VPS13A: variants seen among roughly 807,000 people sequenced by gnomAD.
VPS13A encodes the protein vacuolar protein sorting 13 homolog A.
VPS13A carries 264 observed loss-of-function variants against 390.9 expected under a neutral mutation model. The ratio of observed to expected loss-of-function variants is 0.68; its 90% CI spans 0.61 to 0.75. The LOEUF (loss-of-function observed/expected upper bound fraction) is 0.75. Among genes scored for constraint, VPS13A ranks in the 30% least tolerant of loss-of-function variants. The pLI, the probability that VPS13A is intolerant of heterozygous loss-of-function variation, is 0.00. For missense variants in VPS13A, 3,409 were observed against 3,733.9 expected (o/e 0.91, Z 2.27); for synonymous variants, 1,231 against 1,227.1 (o/e 1.00, Z -0.07).
At chr9:77,227,578 AGTGGT>A in intron 16 of VPS13A, 93 bp downstream of exon 16, 4 of 985,304 alleles carry the variant, frequency 4.1e-6, no homozygotes, top group Non-Finnish European at 6.2e-6. Flanking sequence ...GCTGGACTGC[AGTGGT>A]GTGATCTCTG....
At chr9:77,314,727 T>C (rs1485611325) in intron 37 of VPS13A, 63 bp downstream of exon 37, 1 of 1,527,010 alleles carries the variant, frequency 6.5e-7, no homozygotes, top group African/African-American at 1.4e-5. Context: ...TTTACAGAAT[T>C]CATCTCCAGA....
At chr9:77,224,549 G>A (rs1369425445) in intron 13 of VPS13A, among the ~76,000 whole-genome samples, 1 of 152,144 alleles carries the variant, frequency 6.6e-6, no homozygotes, top group Non-Finnish European at 1.5e-5. Flanking sequence ...TGCAGATGTG[G>A]TGGAAATACG....
At chr9:77,314,367 G>A in intron 36 of VPS13A, 128 bp from the exon 37 acceptor site, 1 of 1,038,454 alleles carries the variant, frequency 9.6e-7, no homozygotes, top group Non-Finnish European at 1.4e-6. Context: ...CCTTTCATTA[G>A]AGCCCTTCGG....
intron 19 of VPS13A, among the ~76,000 whole-genome samples, chr9:77,244,998 A>G (rs1043819639): frequency 1.2e-4 from 19 of 152,204 alleles, no homozygotes; most frequent in African/African-American, 4.6e-4. Context: ...GAAGTTGTAG[A>G]AAGCTGAATT....
At chr9:77,215,100 A>C (rs969717375) in intron 10 of VPS13A, among the ~76,000 whole-genome samples, 13 of 152,208 alleles carry the variant, frequency 8.5e-5, no homozygotes. Flanking sequence ...AGATCACGCC[A>C]CTGCACTCCA....
chr9:77,395,391 T>C (rs1402994568), intron 68 of VPS13A, among the ~76,000 whole-genome samples: 1 of 152,172 alleles, frequency 6.6e-6, no homozygotes, highest in African/African-American at 2.4e-5. Context: ...CTGTAGTTTA[T>C]GGCACCTCAA....
chr9:77,269,670 A>T (rs1329061247), intron 23 of VPS13A, among the ~76,000 whole-genome samples: 1 of 152,220 alleles, frequency 6.6e-6, no homozygotes, highest in Non-Finnish European at 1.5e-5. Flanking sequence ...CCATTTGCTT[A>T]GGTCTTTTTA....
chr9:77,237,064 AT>A (rs1220907535), intron 17 of VPS13A, among the ~76,000 whole-genome samples: 1 of 151,532 alleles, frequency 6.6e-6, no homozygotes, highest in Non-Finnish European at 1.5e-5. Context: ...TAATTTTTGT[AT>A]TTTTAGTAAA....
At chr9:77,221,969 A>G (rs1823246109) in intron 13 of VPS13A, among the ~76,000 whole-genome samples, 1 of 152,132 alleles carries the variant, frequency 6.6e-6, no homozygotes, top group Non-Finnish European at 1.5e-5. Flanking sequence ...ACATTTAATT[A>G]TCTATCTTGA....
At chr9:77,368,029 A>T in intron 61 of VPS13A, 26 bp from the exon 62 acceptor site, 1 of 1,591,166 alleles carries the variant, frequency 6.3e-7, no homozygotes, top group South Asian at 1.1e-5. Flanking sequence ...ACATGTACAG[A>T]CAATATATTT....
intron 45 of VPS13A, among the ~76,000 whole-genome samples, chr9:77,324,419 C>G (rs1166144453): frequency 6.6e-6 from 1 of 152,084 alleles, no homozygotes; most frequent in Non-Finnish European, 1.5e-5. Flanking sequence ...TGTAAACGTT[C>G]CCTTCTATTC....
Position 77,414,519 on chromosome 9 carries a change from C to T in VPS13A, c.9475-1437C>T, listed in dbSNP as rs1176714849. Among the ~76,000 whole-genome samples the T allele has an allele frequency of 4.0e-5, 6 of 151,438 alleles. No individual in the cohort carries two copies. The East Asian group carries it at 9.8e-4, about 25-fold the overall frequency. ...AAACCAAACACTGCATGTTCTCACTCATAGGTGGGAATTGAACAATGAGAA... is the reference window on the plus strand; with the variant it reads ...AAACCAAACACTGCATGTTCTCACTTATAGGTGGGAATTGAACAATGAGAA... On this transcript the variant is annotated intron_variant, in intron 71 of 71. Coordinates refer to ENST00000360280, the MANE Select transcript of VPS13A (RefSeq NM_033305.3).
At chr9:77,288,920 T>G (rs1181540371) in intron 31 of VPS13A, among the ~76,000 whole-genome samples, 1 of 152,206 alleles carries the variant, frequency 6.6e-6, no homozygotes, top group Non-Finnish European at 1.5e-5. Context: ...TACATATAAA[T>G]GTGTATGAAT....
intron 34 of VPS13A, among the ~76,000 whole-genome samples, chr9:77,306,217 A>G (rs916010302): frequency 5.3e-5 from 8 of 152,234 alleles, no homozygotes; most frequent in Non-Finnish European, 1.5e-5. Context: ...TTTGAAATGC[A>G]GTCAAAGAAA....
intron 22 of VPS13A, among the ~76,000 whole-genome samples, chr9:77,255,924 G>T (rs147802516): frequency 6.6e-6 from 1 of 151,534 alleles, no homozygotes; most frequent in South Asian, 2.1e-4. Context: ...TTTCAATCTC[G>T]ATCATTTTGA....
chr9:77,332,112 C>G lies in VPS13A; in HGVS notation c.6094C>G (p.Arg2032Gly), dbSNP rs764376151. The G allele has an allele frequency of 1.9e-6, 3 of 1,604,232 alleles. No homozygotes were observed. The highest frequency in any genetic ancestry group is 2.6e-6 in the Non-Finnish European group (3 of 1,171,704). The stretch of plus-strand genomic sequence containing the variant: ...ATTCAACATACCATTAGGATCTTAC[C>G]GGTATTTTGTCTTTATCATTTTATT... ...NEFNIPLGSYRSFIFLKPEDE... is the reference protein window; with the variant it reads ...NEFNIPLGSYGSFIFLKPEDE... The change falls in exon 46 of 72, where the codon CGA becomes GGA. Residue 2032 changes from arginine (R) to glycine (G), a missense_variant and splice_region_variant. This residue lies in a region of VPS13A where 2,717 missense variants were observed against 2,917.4 expected (regional missense o/e 0.93). Transcript: ENST00000360280.
intron 26 of VPS13A, among the ~76,000 whole-genome samples, chr9:77,278,900 G>A (rs1826849974): frequency 6.6e-6 from 1 of 152,218 alleles, no homozygotes; most frequent in Non-Finnish European, 1.5e-5. Context: ...CGCAGGACAT[G>A]CCACAGGGGT....
chr9:77,305,405 CAGAT>C (rs1381605082), intron 34 of VPS13A, among the ~76,000 whole-genome samples: 16 of 152,116 alleles, frequency 1.1e-4, no homozygotes, highest in Non-Finnish European at 2.2e-4. Context: ...GGTAAGATAA[CAGAT>C]AGAAACTCAT....
chr9:77,339,507 T>C lies in VPS13A; in HGVS notation c.6379-9T>C, dbSNP rs1563938152. On this transcript the variant is annotated splice_polypyrimidine_tract_variant and intron_variant, in intron 47 of 71. Coordinates refer to ENST00000360280, the MANE Select transcript of VPS13A (RefSeq NM_033305.3). ...AAATTTTGTTTTGTTTTTTTTTTTT[T>C]TATTACAGGGAATTGAAAATTCGGT... The C allele has an allele frequency of 1.3e-6, 2 of 1,530,952 alleles. No homozygotes were observed. Among genetic ancestry groups the C allele is most frequent in the Non-Finnish European group, 1.8e-6 (2 of 1,139,328 alleles). 94.8% of individuals were successfully genotyped at this position (1,530,952 alleles called of 1,614,324 possible). A position where few individuals can be genotyped will look rare whatever the true frequency, so the allele number is the denominator to read the frequency against.
Sources: allele counts gnomAD v4.1 joint callset (sites outside exome capture counted in the v4.1 genomes callset), GRCh38; gene constraint gnomAD v4.1.1; regional missense constraint gnomAD v4.1.1; transcripts MANE v1.5; gene names NCBI Gene and HGNC (gene_info 2026-07-23, HGNC 2026-07-21).